Variants in MPDZ observed in about 807,000 individuals in gnomAD.
MPDZ encodes the protein multiple PDZ domain crumbs cell polarity complex component.
In MPDZ, 234 loss-of-function variants were observed where a neutral mutation model predicts 239.1. That is an observed-to-expected ratio of 0.98 (90% CI 0.88 to 1.09). MPDZ has a LOEUF of 1.09. Ranked by LOEUF, MPDZ falls within the 50% of genes least tolerant of loss-of-function variation. MPDZ has a pLI of 0.00. For synonymous variants in MPDZ, 1,048 were observed against 881.3 expected (o/e 1.19, Z -3.35); for missense variants, 3,175 against 2,510.0 (o/e 1.26, Z -5.66).
At chr9:13,260,585 T>G (rs991316054) in intron 1 of MPDZ, among the ~76,000 whole-genome samples, 1 of 152,214 alleles carries the variant, frequency 6.6e-6, no homozygotes, top group African/African-American at 2.4e-5. Flanking sequence ...GTGACTGATT[T>G]TGGAAACAGG....
At chr9:13,242,822 C>T (rs1272984613) in intron 3 of MPDZ, among the ~76,000 whole-genome samples, 1 of 152,072 alleles carries the variant, frequency 6.6e-6, no homozygotes, top group Non-Finnish European at 1.5e-5. Context: ...TCATTTTTTG[C>T]TGTAGGAGGC....
chr9:13,137,852 A>G lies in MPDZ; in HGVS notation c.4200+105T>C. On this transcript the variant is annotated intron_variant, in intron 29 of 46. Coordinates refer to ENST00000319217, the MANE Select transcript of MPDZ (RefSeq NM_001378778.1). ...ATGCATCTATTTTATTAAGCAAGCA[A>G]TGGCTTTCTCAGTCACTATAAGGTA... 3 of 1,182,190 alleles carry G rather than the reference A, an allele frequency of 2.5e-6. No individual in the cohort carries two copies. In the South Asian group the frequency reaches 4.6e-5, roughly 18 times the overall value. 73.2% of individuals were successfully genotyped at this position (1,182,190 alleles called of 1,614,324 possible).
intron 26 of MPDZ, among the ~76,000 whole-genome samples, chr9:13,145,420 G>A (rs537203031): frequency 1.3e-5 from 2 of 152,052 alleles, no homozygotes; most frequent in Admixed American, 1.3e-4. Context: ...TCTGATTCTT[G>A]AAGAGCCTAA....
intron 1 of MPDZ, among the ~76,000 whole-genome samples, chr9:13,250,958 G>A (rs1214229719): frequency 6.6e-6 from 1 of 151,514 alleles, no homozygotes; most frequent in East Asian, 2.0e-4. Flanking sequence ...GTGAAACCCC[G>A]TCTCTGCTAC....
At chr9:13,185,183 C>A (rs1174078260) in intron 18 of MPDZ, among the ~76,000 whole-genome samples, 1 of 151,876 alleles carries the variant, frequency 6.6e-6, no homozygotes, top group African/African-American at 2.4e-5. Context: ...CCATAAGTTA[C>A]CTGGTATGTT....
chr9:13,265,067 G>C (rs1305486217), intron 1 of MPDZ, among the ~76,000 whole-genome samples: 1 of 152,202 alleles, frequency 6.6e-6, no homozygotes, highest in Non-Finnish European at 1.5e-5. Flanking sequence ...CCAAACTCCA[G>C]AGGCTGCCCA....
intron 10 of MPDZ, among the ~76,000 whole-genome samples, chr9:13,207,349 C>G (rs566855909): frequency 2.0e-5 from 3 of 152,210 alleles, no homozygotes; most frequent in South Asian, 2.1e-4. Context: ...ATGGCCTGTG[C>G]CAACTGCTCC....
chr9:13,213,053 T>A (rs1957830587), intron 10 of MPDZ, among the ~76,000 whole-genome samples: 3 of 152,072 alleles, frequency 2.0e-5, no homozygotes, highest in Admixed American at 6.6e-5. Context: ...TATATGCTTA[T>A]TTAATAATTT....
intron 27 of MPDZ, among the ~76,000 whole-genome samples, chr9:13,140,395 TA>T (rs1043455919): frequency 1.6e-4 from 22 of 140,566 alleles, no homozygotes; most frequent in Admixed American, 1.1e-3. Flanking sequence ...TATATATACA[TA>T]TATATATATA....
At chr9:13,185,002 T>C (rs910362300) in intron 18 of MPDZ, among the ~76,000 whole-genome samples, 2 of 152,020 alleles carry the variant, frequency 1.3e-5, no homozygotes, top group African/African-American at 2.4e-5. Flanking sequence ...GAGAATGCTA[T>C]TTCGTCGGGT....
At position 13,224,556 on chromosome 9, in the gene MPDZ, TTGAAGTTGC is replaced by T. The variant is rs777295107; in HGVS notation, c.202_210del (p.Ala68_Ser70del). The T allele has an allele frequency of 3.7e-6, 6 of 1,611,040 alleles. No individual in the cohort carries two copies. In the African/African-American group the frequency reaches 6.7e-5, roughly 18 times the overall value. On this transcript the variant is annotated inframe_deletion, in exon 4 of 47. Coordinates refer to ENST00000319217, the MANE Select transcript of MPDZ (RefSeq NM_001378778.1). ...TGAGGAACGTGGGCATATTCAATATTTGAAGTTGCTGAAGTTGCAATATTTACCTAAGAG... is the reference window on the plus strand; with the variant it reads ...TGAGGAACGTGGGCATATTCAATATTTGAAGTTGCAATATTTACCTAAGAG...
chr9:13,249,447 T>A (rs985943557), intron 2 of MPDZ, among the ~76,000 whole-genome samples: 1 of 152,146 alleles, frequency 6.6e-6, no homozygotes, highest in African/African-American at 2.4e-5. Flanking sequence ...GAAATGTACA[T>A]ACGTACATTT....
chr9:13,223,897 G>GT (rs1190007708), intron 4 of MPDZ, among the ~76,000 whole-genome samples, 187 bp from the exon 5 acceptor site: 5 of 151,890 alleles, frequency 3.3e-5, no homozygotes, highest in Admixed American at 2.6e-4. Flanking sequence ...TAGTAAGTGT[G>GT]GTGGCACACA....
intron 42 of MPDZ, 71 bp downstream of exon 42, chr9:13,112,940 T>G: frequency 7.2e-7 from 1 of 1,383,184 alleles, no homozygotes; most frequent in South Asian, 1.3e-5. Flanking sequence ...GTAAGAAAGT[T>G]AACAAGAAAA....
intron 1 of MPDZ, among the ~76,000 whole-genome samples, chr9:13,260,920 G>A (rs984096188): frequency 2.1e-4 from 32 of 152,050 alleles, no homozygotes; most frequent in Admixed American, 1.6e-3. Flanking sequence ...CAACCATTCC[G>A]CAGGCCCTCC....
intron 38 of MPDZ, chr9:13,119,863 C>A: frequency 1.8e-6 from 1 of 568,068 alleles, no homozygotes; most frequent in Non-Finnish European, 3.1e-6. Flanking sequence ...AAATGATCTC[C>A]AATAAGCATA....
chr9:13,188,868 T>C lies in MPDZ; in HGVS notation c.2280A>G (p.Glu760=), dbSNP rs774475766. ...RLMFVNDVNL[E]NSSLEEAVEA... is the part of the protein sequence containing the mutation. ...CTACAGCTTCCTCAAGACTGCTGTT[T>C]TCCAAGTTAACATCGTTTACAAACA... is the stretch of plus-strand genomic sequence containing the variant. The change falls in exon 17 of 47, where the codon GAA becomes GAG. Residue 760 remains glutamate (E), a synonymous_variant. Transcript: ENST00000319217. The C allele has an allele frequency of 1.2e-5, 20 of 1,613,500 alleles. No homozygotes were observed. Among genetic ancestry groups the C allele is most frequent in the Non-Finnish European group, 1.6e-5 (19 of 1,179,614 alleles).
intron 2 of MPDZ, among the ~76,000 whole-genome samples, chr9:13,248,119 T>G (rs1409263780): frequency 1.3e-5 from 2 of 150,842 alleles, no homozygotes; most frequent in African/African-American, 4.9e-5. Context: ...CCCCAGCTAC[T>G]CAGGAGGCTG....
At chr9:13,137,882 T>C (rs1370338797) in intron 29 of MPDZ, 75 bp downstream of exon 29, 2 of 1,439,944 alleles carry the variant, frequency 1.4e-6, no homozygotes, top group Admixed American at 1.9e-5. Flanking sequence ...AAGGTATGGG[T>C]GATTTTCTGG....
Sources: allele counts gnomAD v4.1 joint callset (sites outside exome capture counted in the v4.1 genomes callset), GRCh38; gene constraint gnomAD v4.1.1; transcripts MANE v1.5; gene names NCBI Gene and HGNC (gene_info 2026-07-23, HGNC 2026-07-21).